Variants in FLVCR2 observed in about 807,000 individuals in gnomAD.
The protein encoded by FLVCR2 is FLVCR choline and putative heme transporter 2.
FLVCR2 carries 38 observed loss-of-function variants against 48.9 expected under a neutral mutation model. The observed-to-expected ratio is 0.78, with a 90% CI of 0.60 to 1.02. FLVCR2 has a LOEUF of 1.02. Ranked by LOEUF, FLVCR2 falls within the 50% of genes least tolerant of loss-of-function variation. The probability of loss-of-function intolerance (pLI) is 0.00; values close to 1 mark genes in which losing one functional copy is unlikely to be tolerated. For synonymous variants in FLVCR2, 255 were observed against 257.0 expected (o/e 0.99, Z 0.07); for missense variants, 664 against 663.3 (o/e 1.00, Z -0.01).
At chr14:75,594,958 T>A (rs1291606051) in intron 1 of FLVCR2, among the ~76,000 whole-genome samples, 1 of 152,052 alleles carries the variant, frequency 6.6e-6, no homozygotes. Context: ...GCTCAAGAGT[T>A]CCTCCCGCCT....
chr14:75,601,071 A>T (rs574189776), intron 1 of FLVCR2, among the ~76,000 whole-genome samples: 2 of 152,370 alleles, frequency 1.3e-5, no homozygotes, highest in East Asian at 3.9e-4. Flanking sequence ...AGAACCCCCA[A>T]CAAAGATTTA....
Position 75,647,539 on chromosome 14 carries a change from C to T in FLVCR2, c.*1067C>T, listed in dbSNP as rs1342906484. 6.6e-6 allele frequency: 1 copy of T among 152,600 alleles called. No homozygotes were observed. The highest frequency in any genetic ancestry group is 1.5e-5 in the Non-Finnish European group (1 of 68,044). The allele number at this position is 152,600 out of a possible 1,614,324, so 9.5% of individuals were successfully genotyped here. A position where few individuals can be genotyped will look rare whatever the true frequency, so the allele number is the denominator to read the frequency against. ...TGTTAGAATTAAAAGCTTATCTCAC[C>T]TCTGCTGGGGACAGTATTTGCACCA... On this transcript the variant is annotated 3_prime_UTR_variant, in exon 10 of 10. Coordinates refer to ENST00000238667, the MANE Select transcript of FLVCR2 (RefSeq NM_017791.3).
At chr14:75,585,314 A>C (rs1042739091) in intron 1 of FLVCR2, among the ~76,000 whole-genome samples, 3 of 152,172 alleles carry the variant, frequency 2.0e-5, no homozygotes, top group South Asian at 2.1e-4. Context: ...AATTATCTAG[A>C]TCTTGTAGGA....
At chr14:75,639,858 T>C (rs564748642) in intron 6 of FLVCR2, among the ~76,000 whole-genome samples, 30 of 152,324 alleles carry the variant, frequency 2.0e-4, no homozygotes, top group East Asian at 1.9e-4. Flanking sequence ...TGAGCCTCAA[T>C]TTCCTCATCT....
chr14:75,586,351 T>C (rs1230908371), intron 1 of FLVCR2, among the ~76,000 whole-genome samples: 1 of 151,974 alleles, frequency 6.6e-6, no homozygotes, highest in Non-Finnish European at 1.5e-5. Context: ...TCAGTTAGGG[T>C]GGGGCAGAAA....
chr14:75,644,396 A>G (rs765299883), intron 9 of FLVCR2, among the ~76,000 whole-genome samples: 33 of 152,216 alleles, frequency 2.2e-4, no homozygotes, highest in Admixed American at 3.3e-4. Flanking sequence ...ATCTCACTCA[A>G]TATTTCAGTT....
At chr14:75,614,220 A>G (rs1419010110) in intron 1 of FLVCR2, among the ~76,000 whole-genome samples, 1 of 152,220 alleles carries the variant, frequency 6.6e-6, no homozygotes, top group African/African-American at 2.4e-5. Flanking sequence ...CATGCTTTTT[A>G]AAGTATCAAA....
chr14:75,631,315 G>A (rs1023895234), intron 3 of FLVCR2, among the ~76,000 whole-genome samples: 2 of 152,200 alleles, frequency 1.3e-5, no homozygotes, highest in African/African-American at 4.8e-5. Flanking sequence ...TCACCTGGGA[G>A]GCTTATTCAA....
rs779784201 is a variant in FLVCR2, at chr14:75,639,383, CTG to C, written c.1157_1158del (p.Leu386ArgfsTer38). 3.1e-6 allele frequency: 5 copies of C among 1,613,782 alleles called. No homozygotes were observed. Among genetic ancestry groups the C allele is most frequent in the Non-Finnish European group, 4.2e-6 (5 of 1,179,758 alleles). Reference protein sequence around the residue: ...ETTLVVYIMTLVGMVVYTFTL... With the variant: ...ETTLVVYIMTXVGMVVYTFTL... ...AACCCTGGTAGTCTATATCATGACACTGGTGGGCATGGTGGTGTACACGTTTA... is the reference window on the plus strand; with the variant it reads ...AACCCTGGTAGTCTATATCATGACACGTGGGCATGGTGGTGTACACGTTTA... On this transcript the variant is annotated frameshift_variant, in exon 6 of 10. Transcript: ENST00000238667. LOFTEE classifies it high-confidence loss of function.
rs1890388323 is a variant in FLVCR2 at position 75,645,036 on chromosome 14, GTGTGTGTGTGTGTGT to G, written c.1510-1364_1510-1350del. On this transcript the variant is annotated intron_variant, in intron 9 of 9. Coordinates refer to ENST00000238667, the MANE Select transcript of FLVCR2 (RefSeq NM_017791.3). ...TGGCTTTGGAGGAGGCGGGCGTGGT[GTGTGTGTGTGTGTGT>G]GTGTGTGTGTGTGTGTGTGTGTGTG... Among the ~76,000 whole-genome samples the G allele has an allele frequency of 9.4e-4, 138 of 146,812 alleles. 5 individuals are homozygous for G. The South Asian group carries it at 0.029, about 31-fold the overall frequency.
intron 1 of FLVCR2, among the ~76,000 whole-genome samples, chr14:75,618,818 C>T (rs1028453440): frequency 2.6e-5 from 4 of 151,904 alleles, no homozygotes; most frequent in Non-Finnish European, 5.9e-5. Flanking sequence ...TCAGACAGAA[C>T]TGGCTTAGGA....
chr14:75,646,409 A>T lies in FLVCR2; in HGVS notation c.1518A>T (p.Gln506His). The change falls in exon 10 of 10, where the codon CAA becomes CAT. Residue 506 changes from glutamine to histidine, a missense_variant. Physicochemically the swap from Gln to His is conservative, Grantham distance 24. Coordinates refer to ENST00000238667, the MANE Select transcript of FLVCR2 (RefSeq NM_017791.3). ...ANKETLENKL[Q>H]EEEEESNTSK... The stretch of plus-strand genomic sequence containing the variant: ...TTTGTTTTGCTTTATAGAAACTCCA[A>T]GAGGAGGAGGAGGAGAGCAACACCA... 1 of 1,612,844 alleles carries T rather than the reference A, an allele frequency of 6.2e-7. No individual in the cohort carries two copies. The highest frequency in any genetic ancestry group is 2.2e-5 in the East Asian group (1 of 44,882).
intron 5 of FLVCR2, among the ~76,000 whole-genome samples, chr14:75,637,739 A>C (rs911347185): frequency 4.6e-5 from 7 of 151,820 alleles, no homozygotes; most frequent in African/African-American, 1.7e-4. Context: ...AAAAAAAAAA[A>C]AAAAAAGAAA....
intron 9 of FLVCR2, among the ~76,000 whole-genome samples, chr14:75,642,788 G>A (rs1415215673): frequency 6.6e-6 from 1 of 152,124 alleles, no homozygotes; most frequent in Non-Finnish European, 1.5e-5. Flanking sequence ...GTATATAAAT[G>A]CATATTTTTA....
intron 3 of FLVCR2, among the ~76,000 whole-genome samples, chr14:75,631,045 C>T (rs1371175945): frequency 2.0e-5 from 3 of 152,192 alleles, no homozygotes; most frequent in Non-Finnish European, 2.9e-5. Flanking sequence ...CTGTGTCTGG[C>T]AAACTTTGAC....
At chr14:75,608,285 A>C (rs1047805422) in intron 1 of FLVCR2, among the ~76,000 whole-genome samples, 1 of 152,114 alleles carries the variant, frequency 6.6e-6, no homozygotes, top group African/African-American at 2.4e-5. Context: ...CCTTCCTCTC[A>C]TCGGCAAAGA....
chr14:75,582,694 G>A (rs2140001943), intron 1 of FLVCR2, among the ~76,000 whole-genome samples: 1 of 152,310 alleles, frequency 6.6e-6, no homozygotes, highest in African/African-American at 2.4e-5. Context: ...ATGAGTTAGG[G>A]AGATCTTGTG....
At chr14:75,629,851 ACTC>A (rs1368092515) in intron 3 of FLVCR2, among the ~76,000 whole-genome samples, 6 of 152,308 alleles carry the variant, frequency 3.9e-5, no homozygotes, top group Admixed American at 1.3e-4. Flanking sequence ...TGGCATCTGA[ACTC>A]AGAGCCTCAA....
At chr14:75,619,045 G>A (rs1351896933) in intron 1 of FLVCR2, among the ~76,000 whole-genome samples, 1 of 152,076 alleles carries the variant, frequency 6.6e-6, no homozygotes, top group Non-Finnish European at 1.5e-5. Flanking sequence ...CCAACATGGG[G>A]AAACCCTGTC....
Sources: allele counts gnomAD v4.1 joint callset (sites outside exome capture counted in the v4.1 genomes callset), GRCh38; gene constraint gnomAD v4.1.1; transcripts MANE v1.5; gene names NCBI Gene and HGNC (gene_info 2026-07-23, HGNC 2026-07-21).